Variants in EBF1 observed in about 807,000 individuals in gnomAD.
The protein encoded by EBF1 is EBF transcription factor 1, also known as transcription factor COE1.
A neutral mutation model predicts 68.4 loss-of-function variants in EBF1; 10 were observed. The observed-to-expected ratio is 0.15, with a 90% CI of 0.09 to 0.25. EBF1 has a LOEUF of 0.25. Among genes scored for constraint, EBF1 ranks in the 10% least tolerant of loss-of-function variants. The pLI is 1.00. For synonymous variants in EBF1, 298 were observed against 299.8 expected (o/e 0.99, Z 0.06); for missense variants, 509 against 794.4 (o/e 0.64, Z 4.32).
intron 6 of EBF1, among the ~76,000 whole-genome samples, chr5:158,867,069 G>A (rs756239704): frequency 1.4e-4 from 21 of 151,776 alleles, no homozygotes; most frequent in Non-Finnish European, 2.5e-4. Context: ...TGCAGCACTA[G>A]GAACCATGAC....
intron 6 of EBF1, among the ~76,000 whole-genome samples, chr5:158,927,204 C>G (rs1382654430): frequency 6.6e-6 from 1 of 152,214 alleles, no homozygotes; most frequent in African/African-American, 2.4e-5. Context: ...ATATCGTGAG[C>G]ATTGAATGTG....
intron 6 of EBF1, among the ~76,000 whole-genome samples, chr5:158,903,218 C>G (rs1212871448): frequency 6.6e-6 from 1 of 152,202 alleles, no homozygotes; most frequent in Non-Finnish European, 1.5e-5. Flanking sequence ...CGGGTCAGCT[C>G]ATTCATTTAT....
At chr5:158,976,319 C>G (rs1756734645) in intron 6 of EBF1, among the ~76,000 whole-genome samples, 1 of 152,074 alleles carries the variant, frequency 6.6e-6, no homozygotes, top group South Asian at 2.1e-4. Context: ...GAATGGATTT[C>G]TTTGTTGGGT....
At chr5:159,028,297 GGT>G (rs1356135294) in intron 6 of EBF1, among the ~76,000 whole-genome samples, 1 of 152,172 alleles carries the variant, frequency 6.6e-6, no homozygotes, top group Non-Finnish European at 1.5e-5. Context: ...CCAGGAACTT[GGT>G]GACAAGGAAG....
intron 6 of EBF1, among the ~76,000 whole-genome samples, chr5:158,932,485 G>A (rs901316613): frequency 2.0e-5 from 3 of 152,132 alleles, no homozygotes; most frequent in African/African-American, 7.2e-5. Flanking sequence ...GTGAACAGTG[G>A]TTATTGAGGG....
chr5:158,919,776 C>T (rs961560293), intron 6 of EBF1, among the ~76,000 whole-genome samples: 2 of 152,064 alleles, frequency 1.3e-5, no homozygotes, highest in African/African-American at 4.8e-5. Flanking sequence ...TCGATTATCT[C>T]ATTTAATCCT....
chr5:158,979,629 T>C (rs1262973674), intron 6 of EBF1, among the ~76,000 whole-genome samples: 2 of 152,116 alleles, frequency 1.3e-5, no homozygotes, highest in Non-Finnish European at 2.9e-5. Flanking sequence ...AGGATGCATT[T>C]GTGAGTTAGA....
At chr5:158,887,129 G>T (rs1432183581) in intron 6 of EBF1, among the ~76,000 whole-genome samples, 1 of 152,122 alleles carries the variant, frequency 6.6e-6, no homozygotes, top group Non-Finnish European at 1.5e-5. Context: ...AAACAAATTG[G>T]TACTTAACAT....
intron 10 of EBF1, among the ~76,000 whole-genome samples, chr5:158,733,697 T>A (rs1056732678): frequency 6.6e-6 from 1 of 152,220 alleles, no homozygotes; most frequent in Admixed American, 6.5e-5. Flanking sequence ...TTTTAACTTA[T>A]GTCCCATGCC....
intron 8 of EBF1, among the ~76,000 whole-genome samples, chr5:158,815,313 G>A (rs1783495371): frequency 6.6e-6 from 1 of 152,112 alleles, no homozygotes; most frequent in African/African-American, 2.4e-5. Context: ...GCAGACCTAA[G>A]GTCAAATTCC....
chr5:159,073,276 C>T, intron 6 of EBF1, 120 bp downstream of exon 6: 1 of 1,035,650 alleles, frequency 9.7e-7, no homozygotes, highest in Non-Finnish European at 1.5e-6. Context: ...CAGCGTAAGT[C>T]ATGACCAACA....
At chr5:158,768,625 C>T (rs539758068) in intron 10 of EBF1, among the ~76,000 whole-genome samples, 17 of 152,184 alleles carry the variant, frequency 1.1e-4, no homozygotes, top group African/African-American at 3.6e-4. Flanking sequence ...AAAGTGAATG[C>T]CCTAGCGGGT....
intron 6 of EBF1, among the ~76,000 whole-genome samples, chr5:158,860,802 G>C (rs562328086): frequency 2.0e-5 from 3 of 152,078 alleles, no homozygotes; most frequent in African/African-American, 7.2e-5. Flanking sequence ...GTGTCTCGGC[G>C]CATAAATCCC....
chr5:158,718,984 A>G (rs77447967), intron 11 of EBF1, among the ~76,000 whole-genome samples: 1 of 152,328 alleles, frequency 6.6e-6, no homozygotes, highest in African/African-American at 2.4e-5. Flanking sequence ...GCAAACCACA[A>G]GTCTTGAGAA....
chr5:159,095,103 A>G (rs957478243), intron 4 of EBF1, among the ~76,000 whole-genome samples: 1 of 152,090 alleles, frequency 6.6e-6, no homozygotes, highest in Non-Finnish European at 1.5e-5. Flanking sequence ...CCCTCTTTCA[A>G]CACTACCTTC....
intron 5 of EBF1, among the ~76,000 whole-genome samples, chr5:159,076,147 A>G (rs1778740561): frequency 6.6e-6 from 1 of 151,376 alleles, no homozygotes; most frequent in African/African-American, 2.4e-5. Context: ...TCTTCCTTTA[A>G]CTCATAGACT....
intron 9 of EBF1, among the ~76,000 whole-genome samples, chr5:158,780,586 A>G (rs1304025252): frequency 1.3e-5 from 2 of 152,228 alleles, no homozygotes; most frequent in East Asian, 3.8e-4. Context: ...ACTGCAAAAT[A>G]AGAAGGTATT....
At chr5:158,952,664 G>A (rs1039642833) in intron 6 of EBF1, among the ~76,000 whole-genome samples, 13 of 152,156 alleles carry the variant, frequency 8.5e-5, no homozygotes, top group African/African-American at 3.1e-4. Flanking sequence ...TTTTGTTATT[G>A]CATTATTTGA....
chr5:158,899,912 G>C (rs1161848338), intron 6 of EBF1, among the ~76,000 whole-genome samples: 1 of 152,186 alleles, frequency 6.6e-6, no homozygotes, highest in African/African-American at 2.4e-5. Context: ...AACCGTGGGT[G>C]GGAGAAGATG....
Sources: gnomAD v4.1 joint callset for allele counts (sites outside exome capture counted in the v4.1 genomes callset) on GRCh38, gnomAD v4.1.1 for gene constraint, MANE v1.5 for transcripts, NCBI Gene and HGNC (gene_info 2026-07-23, HGNC 2026-07-21) for gene names.